Variants in USF2 observed in about 807,000 individuals in gnomAD.
USF2 encodes the protein upstream stimulatory factor 2.
USF2 carries 16 observed loss-of-function variants against 46.9 expected under a neutral mutation model. That is an observed-to-expected ratio of 0.34 (90% CI 0.23 to 0.52). USF2 has a LOEUF of 0.52. Ranked by LOEUF, USF2 falls within the 20% of genes least tolerant of loss-of-function variation. The probability of loss-of-function intolerance (pLI) is 0.96; values close to 1 mark genes in which losing one functional copy is unlikely to be tolerated. For synonymous variants in USF2, 239 were observed against 194.1 expected (o/e 1.23, Z -1.92); for missense variants, 411 against 474.0 (o/e 0.87, Z 1.23).
intron 7 of USF2, among the ~76,000 whole-genome samples, chr19:35,271,467 TCACGTGGGCTGACCTTTC>T (rs2066155647): frequency 6.6e-6 from 1 of 152,194 alleles, no homozygotes; most frequent in African/African-American, 2.4e-5. Flanking sequence ...CTGACCGGGC[TCACGTGGGCTGACCTTTC>T]CACGTGGCAG....
In USF2 at chr19:35,278,907, G is replaced by A. The variant is rs28365137; in HGVS notation, c.823-39G>A. On this transcript the variant is annotated intron_variant, in intron 8 of 9. Coordinates refer to ENST00000222305, the MANE Select transcript of USF2 (RefSeq NM_003367.4). ...ATCCCTGGGGTGGAGGCCGGTGGGC[G>A]GTGCCTGCCCTAAGGCTCCTGGTCC... The A allele has an allele frequency of 1.8e-3, 2,789 of 1,575,836 alleles. 45 individuals are homozygous for A. The African/African-American group carries it at 0.034, about 19-fold the overall frequency.
chr19:35,269,395 G>T (rs1330950205), intron 1 of USF2, 51 bp from the exon 2 acceptor site: 2 of 1,327,780 alleles, frequency 1.5e-6, no homozygotes, highest in South Asian at 1.9e-5. Context: ...GCGGGGGCGG[G>T]GGCGCGGGCG....
At chr19:35,272,201 A>G (rs908324560) in intron 7 of USF2, among the ~76,000 whole-genome samples, 10 of 152,170 alleles carry the variant, frequency 6.6e-5, no homozygotes, top group African/African-American at 2.2e-4. Flanking sequence ...GCAATGCAGC[A>G]GATGATAGGA....
intron 8 of USF2, 52 bp downstream of exon 8, chr19:35,278,844 G>C (rs1312397190): frequency 6.2e-7 from 1 of 1,611,440 alleles, no homozygotes; most frequent in South Asian, 1.1e-5. Flanking sequence ...CCCGACCCTT[G>C]CATGCAGAAA....
At chr19:35,271,245 C>G (rs2066152129) in intron 7 of USF2, 104 bp downstream of exon 7, 2 of 1,383,472 alleles carry the variant, frequency 1.4e-6, no homozygotes, top group African/African-American at 2.9e-5. Flanking sequence ...CCTGGGCAGG[C>G]CACAAGTGCT....
chr19:35,279,424 C>A lies in USF2; in HGVS notation c.*168C>A. ...TAATGCATTTCTGTGGATACAGTGC[C>A]CACCGCCCTCCTCCACTTGGAAACG... On this transcript the variant is annotated 3_prime_UTR_variant, in exon 10 of 10. Coordinates refer to ENST00000222305, the MANE Select transcript of USF2 (RefSeq NM_003367.4). 1 of 703,000 alleles carries A rather than the reference C, an allele frequency of 1.4e-6. No homozygotes were observed. The allele number at this position is 703,000 out of a possible 1,614,324, so 43.5% of individuals were successfully genotyped here.
Position 35,270,704 on chromosome 19 carries a change from C to T in USF2, c.581-14C>T, listed in dbSNP as rs754576228. On this transcript the variant is annotated splice_polypyrimidine_tract_variant and intron_variant, in intron 5 of 9. Transcript: ENST00000222305. The stretch of plus-strand genomic sequence containing the variant: ...TCACCCTGCCTTGCCACTAACCCCC[C>T]ACTCTCCCTGCAGGCCAGTTCTACG... 31 of 1,614,044 alleles carry T rather than the reference C, an allele frequency of 1.9e-5. No homozygotes were observed. In the South Asian group the frequency reaches 2.3e-4, roughly 12 times the overall value.
intron 7 of USF2, chr19:35,275,815 G>T (rs1039608488): frequency 3.3e-5 from 5 of 152,168 alleles, no homozygotes; most frequent in African/African-American, 1.2e-4. Flanking sequence ...TACCCGACGG[G>T]CCCGAATGTG....
intron 7 of USF2, among the ~76,000 whole-genome samples, chr19:35,273,695 C>T (rs984334581): frequency 1.3e-5 from 2 of 152,128 alleles, no homozygotes; most frequent in Admixed American, 6.6e-5. Flanking sequence ...GTGGCTGGGA[C>T]CACAGGCAGG....
intron 7 of USF2, chr19:35,277,719 T>TG (rs1198249743): frequency 6.6e-6 from 1 of 152,334 alleles, no homozygotes; most frequent in Non-Finnish European, 1.5e-5. Context: ...GGCAGGGGGC[T>TG]GGGGGTCCGT....
At chr19:35,269,348 G>A (rs2066105249) in intron 1 of USF2, 98 bp from the exon 2 acceptor site, 1 of 1,039,188 alleles carries the variant, frequency 9.6e-7, no homozygotes, top group East Asian at 6.2e-5. Flanking sequence ...CCCGGCCTCA[G>A]GCGCGGCCGG....
At chr19:35,272,163 C>G (rs2066166373) in intron 7 of USF2, among the ~76,000 whole-genome samples, 1 of 152,144 alleles carries the variant, frequency 6.6e-6, no homozygotes, top group Non-Finnish European at 1.5e-5. Flanking sequence ...ATACTACGAC[C>G]AGCCCCCCTT....
At position 35,278,794 on chromosome 19, in the gene USF2, T is replaced by G; in HGVS notation, c.822+2T>G. The G allele has an allele frequency of 6.2e-7, 1 of 1,613,898 alleles. No individual in the cohort carries two copies. Among genetic ancestry groups the G allele is most frequent in the Non-Finnish European group, 8.5e-7 (1 of 1,179,960 alleles). On this transcript the variant is annotated splice_donor_variant, in intron 8 of 9. Coordinates refer to ENST00000222305, the MANE Select transcript of USF2 (RefSeq NM_003367.4). LOFTEE classifies it high-confidence loss of function. The stretch of plus-strand genomic sequence containing the variant: ...GCAGACAACAGCAAGACGGGAGCGG[T>G]GAGCACCCCGGACCCTCAGTGTCTG...
chr19:35,270,222 A>G (rs866842918), intron 4 of USF2: 1 of 886,192 alleles, frequency 1.1e-6, no homozygotes, highest in Middle Eastern at 3.6e-4. Context: ...ATGTGTCTTA[A>G]GAGGAAAGTT....
rs562230304 is a variant in USF2 at position 35,270,197 on chromosome 19, C to T, written c.429+194C>T. The T allele has an allele frequency of 5.6e-6, 5 of 892,402 alleles. No individual in the cohort carries two copies. The East Asian group carries it at 1.2e-4, about 21-fold the overall frequency. The allele number at this position is 892,402 out of a possible 1,614,324, so 55.3% of individuals were successfully genotyped here. A position where few individuals can be genotyped will look rare whatever the true frequency, so the allele number is the denominator to read the frequency against. ...CAGTGCTCTTGGAATTTTTTTTTCC[C>T]GCAAAATGGGAATGATGTGTCTTAA... On this transcript the variant is annotated intron_variant, in intron 4 of 9. Coordinates refer to ENST00000222305, the MANE Select transcript of USF2 (RefSeq NM_003367.4).
At position 35,279,330 on chromosome 19, in the gene USF2, A is replaced by T; in HGVS notation, c.*74A>T. 2 of 1,375,602 alleles carry T rather than the reference A, an allele frequency of 1.5e-6. No homozygotes were observed. Among genetic ancestry groups the T allele is most frequent in the Non-Finnish European group, 1.9e-6 (2 of 1,055,438 alleles). 85.2% of individuals were successfully genotyped at this position (1,375,602 alleles called of 1,614,324 possible). A position where few individuals can be genotyped will look rare whatever the true frequency, so the allele number is the denominator to read the frequency against. On this transcript the variant is annotated 3_prime_UTR_variant, in exon 10 of 10. Transcript: ENST00000222305. The stretch of plus-strand genomic sequence containing the variant: ...CCCCCTTCCCCAGCCCTTAGCACAG[A>T]GAGGGACACATGCCCCTCCCCCAGC...
chr19:35,269,195 C>T, intron 1 of USF2, 32 bp downstream of exon 1: 1 of 973,402 alleles, frequency 1.0e-6, no homozygotes, highest in Non-Finnish European at 1.2e-6. Context: ...TGCCCCCGCG[C>T]CCCGGCCCCG....
intron 7 of USF2, chr19:35,275,034 A>G (rs992135578): frequency 6.6e-6 from 1 of 152,116 alleles, no homozygotes; most frequent in African/African-American, 2.4e-5. Flanking sequence ...TTACTAATTC[A>G]TGCTTCTACT....
rs1324723134 is a variant in USF2, at chr19:35,270,555, G to A, written c.538G>A (p.Ala180Thr). Residue 180 changes from alanine (A) to threonine (T), a missense_variant, in exon 5 of 10, where the codon GCT becomes ACT. By Grantham distance (58) the Ala-to-Thr change is moderately conservative. Around this residue, in one of 2 missense-constraint regions of USF2, gnomAD observed 318 missense variants for 322.4 expected, o/e 0.99. Coordinates refer to ENST00000222305, the MANE Select transcript of USF2 (RefSeq NM_003367.4). ...AGCGTCCAGTGTGGGAGATACTACG[G>A]CTGTGTCCGTACAGACCACAGACCA... ...FPASSVGDTT[A>T]VSVQTTDQSL... is the part of the protein sequence containing the mutation. 2 of 1,614,168 alleles carry A rather than the reference G, an allele frequency of 1.2e-6. No homozygotes were observed. The highest frequency in any genetic ancestry group is 1.7e-6 in the Non-Finnish European group (2 of 1,180,016).
Sources: allele counts gnomAD v4.1 joint callset (sites outside exome capture counted in the v4.1 genomes callset), GRCh38; gene constraint gnomAD v4.1.1; regional missense constraint gnomAD v4.1.1; transcripts MANE v1.5; gene names NCBI Gene and HGNC (gene_info 2026-07-23, HGNC 2026-07-21).